ATRNL1: variants seen among roughly 807,000 people sequenced by gnomAD.
ATRNL1 encodes the protein attractin-like protein 1.
In ATRNL1, 95 loss-of-function variants were observed where a neutral mutation model predicts 182.7. The ratio of observed to expected loss-of-function variants is 0.52; its 90% CI spans 0.44 to 0.62. The LOEUF is 0.62. ATRNL1 is among the 20% of genes least tolerant of loss of function. ATRNL1 has a pLI of 0.00. For missense variants in ATRNL1, 1,471 were observed against 1,679.5 expected (o/e 0.88, Z 2.17); for synonymous variants, 576 against 568.3 (o/e 1.01, Z -0.19).
intron 27 of ATRNL1, among the ~76,000 whole-genome samples, chr10:115,823,458 T>C (rs1555091087): frequency 6.6e-6 from 1 of 152,108 alleles, no homozygotes; most frequent in Non-Finnish European, 1.5e-5. Context: ...AAATAAAGGG[T>C]ATTCAATTCG....
chr10:115,112,936 C>G (rs187782354), intron 1 of ATRNL1, among the ~76,000 whole-genome samples: 2 of 152,254 alleles, frequency 1.3e-5, no homozygotes, highest in Admixed American at 6.5e-5. Context: ...ACCAGATTAA[C>G]TAGAGATAAG....
chr10:115,797,177 T>A (rs572727887), intron 27 of ATRNL1, among the ~76,000 whole-genome samples: 1 of 152,300 alleles, frequency 6.6e-6, no homozygotes, highest in South Asian at 2.1e-4. Flanking sequence ...GTTTGTTCAT[T>A]TATTCAAAAT....
At chr10:115,210,788 G>T (rs943827115) in intron 8 of ATRNL1, among the ~76,000 whole-genome samples, 1 of 151,462 alleles carries the variant, frequency 6.6e-6, no homozygotes, top group Non-Finnish European at 1.5e-5. Context: ...CTTAGTGGTT[G>T]GTCTGTGTGT....
At chr10:115,546,228 C>A (rs1307605311) in intron 25 of ATRNL1, among the ~76,000 whole-genome samples, 1 of 151,938 alleles carries the variant, frequency 6.6e-6, no homozygotes, top group Non-Finnish European at 1.5e-5. Flanking sequence ...AAAAATGAAC[C>A]CTTAGATCAT....
intron 10 of ATRNL1, among the ~76,000 whole-genome samples, chr10:115,253,149 A>G (rs2133847857): frequency 6.6e-6 from 1 of 152,306 alleles, no homozygotes; most frequent in Non-Finnish European, 1.5e-5. Flanking sequence ...GAGTACCCTT[A>G]CAATCAATGC....
chr10:115,466,476 G>A (rs782756392), intron 22 of ATRNL1, among the ~76,000 whole-genome samples: 2 of 150,998 alleles, frequency 1.3e-5, no homozygotes, highest in East Asian at 1.9e-4. Context: ...TGCTTCTTAC[G>A]TCTTGGAGTA....
chr10:115,228,742 G>T lies in ATRNL1; in HGVS notation c.1533-12829G>T, dbSNP rs556545619. ...TATTTTTTTCCAGTGAGGGAAAAAA[G>T]ACTTCAATTATATTTCTTTCTTTCT... On this transcript the variant is annotated intron_variant, in intron 9 of 28. Coordinates refer to ENST00000355044, the MANE Select transcript of ATRNL1 (RefSeq NM_207303.4). Among the ~76,000 whole-genome samples the T allele has an allele frequency of 7.3e-5, 11 of 150,002 alleles. No individual in the cohort carries two copies. The South Asian group carries it at 2.3e-3, about 32-fold the overall frequency.
intron 5 of ATRNL1, among the ~76,000 whole-genome samples, chr10:115,151,438 A>G (rs1846223406): frequency 6.6e-6 from 1 of 152,086 alleles, no homozygotes; most frequent in African/African-American, 2.4e-5. Flanking sequence ...ATGGTATCTC[A>G]TTGTGGTTTT....
At chr10:115,118,180 G>A (rs1844573791) in intron 1 of ATRNL1, among the ~76,000 whole-genome samples, 1 of 151,912 alleles carries the variant, frequency 6.6e-6, no homozygotes, top group Non-Finnish European at 1.5e-5. Context: ...TGTTTCCTTT[G>A]CTGTGCAGAA....
chr10:115,643,419 G>A (rs764707439), intron 26 of ATRNL1, among the ~76,000 whole-genome samples: 60 of 151,992 alleles, frequency 3.9e-4, no homozygotes, highest in Non-Finnish European at 7.2e-4. Context: ...CCTGGACCAG[G>A]AAAAGACTTT....
chr10:115,579,471 G>A (rs2804191), intron 26 of ATRNL1, among the ~76,000 whole-genome samples: 147,745 of 151,940 alleles, frequency 0.97, 71,996 homozygotes, highest in East Asian at 1. Context: ...TGTGATTATC[G>A]TTGACCTTCT....
intron 20 of ATRNL1, among the ~76,000 whole-genome samples, chr10:115,397,414 A>C (rs1844343001): frequency 6.6e-6 from 1 of 151,980 alleles, no homozygotes; most frequent in Non-Finnish European, 1.5e-5. Context: ...TCCTAAACTG[A>C]AATCGGTTCT....
intron 27 of ATRNL1, among the ~76,000 whole-genome samples, chr10:115,806,235 T>G (rs897176025): frequency 9.2e-5 from 14 of 152,136 alleles, no homozygotes; most frequent in African/African-American, 3.4e-4. Flanking sequence ...GAGAATTTCT[T>G]TAAGGAAAGA....
At chr10:115,863,976 A>G (rs996991525) in intron 28 of ATRNL1, among the ~76,000 whole-genome samples, 2 of 152,230 alleles carry the variant, frequency 1.3e-5, no homozygotes, top group African/African-American at 2.4e-5. Flanking sequence ...GTAAATAAGT[A>G]TAGTATTGGA....
chr10:115,846,864 G>A (rs1950940457), intron 27 of ATRNL1, among the ~76,000 whole-genome samples: 2 of 152,194 alleles, frequency 1.3e-5, no homozygotes, highest in South Asian at 2.1e-4. Flanking sequence ...CTGCTAACTA[G>A]CTATATGAAT....
chr10:115,166,673 A>G (rs1554884428), intron 7 of ATRNL1, among the ~76,000 whole-genome samples: 1 of 151,834 alleles, frequency 6.6e-6, no homozygotes, highest in African/African-American at 2.4e-5. Flanking sequence ...TATCTTTTCA[A>G]GTGCTTATTG....
chr10:115,852,996 A>G (rs1310618368), intron 28 of ATRNL1, among the ~76,000 whole-genome samples: 1 of 152,186 alleles, frequency 6.6e-6, no homozygotes, highest in Non-Finnish European at 1.5e-5. Flanking sequence ...TAGCTCTGCC[A>G]CTGACTAGCA....
intron 27 of ATRNL1, among the ~76,000 whole-genome samples, chr10:115,793,925 CAT>C (rs1949588816): frequency 1.3e-5 from 2 of 152,204 alleles, no homozygotes; most frequent in South Asian, 4.1e-4. Context: ...CCACTCTAAA[CAT>C]GTTGATTTTA....
At chr10:115,354,456 A>T (rs1294526291) in intron 19 of ATRNL1, among the ~76,000 whole-genome samples, 1 of 152,112 alleles carries the variant, frequency 6.6e-6, no homozygotes, top group Non-Finnish European at 1.5e-5. Context: ...TCTTTCCTGT[A>T]TGCAGTATTC....
Sources: allele counts gnomAD v4.1 joint callset (sites outside exome capture counted in the v4.1 genomes callset), GRCh38; gene constraint gnomAD v4.1.1; transcripts MANE v1.5; gene names NCBI Gene and HGNC (gene_info 2026-07-23, HGNC 2026-07-21).